The following C5 variants were observed in gnomAD, a reference collection of about 807,000 sequenced individuals.
C5 encodes the protein complement C5.
A neutral mutation model predicts 218.8 loss-of-function variants in C5; 140 were observed. The observed-to-expected ratio is 0.64, with a 90% CI of 0.56 to 0.74. The LOEUF is 0.74. Among genes scored for constraint, C5 ranks in the 30% least tolerant of loss-of-function variants. The pLI is 0.00. For missense variants in C5, 1,700 were observed against 1,969.6 expected, an observed-to-expected ratio of 0.86 and a Z score of 2.59; for synonymous variants, 614 against 682.3, an observed-to-expected ratio of 0.90 and a Z score of 1.56.
At chr9:121,012,185 G>A (rs10818496) in intron 17 of C5, among the ~76,000 whole-genome samples, 97,310 of 151,802 alleles carry the variant, frequency 0.64, 31,275 homozygotes, top group East Asian at 0.78. Context: ...TGATATGATT[G>A]TTACTTATTG....
intron 17 of C5, 127 bp from the exon 18 acceptor site, chr9:121,008,625 AATGCTT>A: frequency 1.4e-6 from 1 of 733,946 alleles, no homozygotes; most frequent in Non-Finnish European, 2.4e-6. Flanking sequence ...CATTTTGTTT[AATGCTT>A]CCAAAATAGA....
chr9:121,002,327 T>TATATATATATAC lies in C5; in HGVS notation c.2562+3591_2562+3592insGTATATATATAT, dbSNP rs2047178554. ...ATATATATGTGTGTGTATATATATATATATATATATATATACACACATACC... is the reference window on the plus strand; with the variant it reads ...ATATATATGTGTGTGTATATATATATATATATATATACATATATATATATATACACACATACC... On this transcript the variant is annotated intron_variant, in intron 20 of 40. Coordinates refer to ENST00000223642, the MANE Select transcript of C5 (RefSeq NM_001735.3). Among the ~76,000 whole-genome samples the TATATATATATAC allele has an allele frequency of 3.5e-5, 4 of 113,398 alleles. No homozygotes were observed. The South Asian group carries it at 1.2e-3, about 35-fold the overall frequency. 74.4% of individuals were successfully genotyped at this position (113,398 alleles called of 152,430 possible).
At chr9:120,969,142 A>G in intron 32 of C5, 24 bp from the exon 33 acceptor site, 1 of 1,604,162 alleles carries the variant, frequency 6.2e-7, no homozygotes, top group Non-Finnish European at 8.5e-7. Flanking sequence ...CAAGAAAACA[A>G]ACAGACAAAT....
At chr9:120,980,297 C>T (rs1162694592) in intron 27 of C5, 43 bp from the exon 28 acceptor site, 1 of 1,562,266 alleles carries the variant, frequency 6.4e-7, no homozygotes, top group Non-Finnish European at 8.8e-7. Flanking sequence ...GTCAAGCAAC[C>T]ACCTATCAAT....
At chr9:120,956,167 G>A (rs987541677) in intron 39 of C5, among the ~76,000 whole-genome samples, 1 of 152,028 alleles carries the variant, frequency 6.6e-6, no homozygotes, top group Non-Finnish European at 1.5e-5. Context: ...GGTGGTGCAT[G>A]TCTGTAATCC....
intron 27 of C5, among the ~76,000 whole-genome samples, chr9:120,981,321 T>C (rs2046991041): frequency 6.6e-6 from 1 of 152,242 alleles, no homozygotes. Flanking sequence ...CATCTCAACC[T>C]TGGAAATCTT....
chr9:121,004,025 A>C (rs2047194646), intron 20 of C5, among the ~76,000 whole-genome samples: 1 of 151,880 alleles, frequency 6.6e-6, no homozygotes, highest in Non-Finnish European at 1.5e-5. Flanking sequence ...CCTGCCACCA[A>C]GCCTGGCTAA....
At chr9:121,069,612 C>A in the C5 span, among the ~76,000 whole-genome samples, 12 of 151,822 alleles carry the variant, frequency 7.9e-5, no homozygotes, top group Non-Finnish European at 1.8e-4. Context: ...CTCCCAGGCT[C>A]AAGCAATCCT....
rs913555694 is a variant in C5, at chr9:120,977,454, G to GT, written c.3659-550dup. On this transcript the variant is annotated intron_variant, in intron 28 of 40. Transcript: ENST00000223642. ...ATCAGGAACACTCAACCTATTTTTTGTTTTTTTTGTTTGTGTGTTTTGAGA... is the reference window on the plus strand; with the variant it reads ...ATCAGGAACACTCAACCTATTTTTTGTTTTTTTTTGTTTGTGTGTTTTGAGA... 5.9e-5 allele frequency among the ~76,000 whole-genome samples: 9 copies of GT among 151,922 alleles called. No homozygotes were observed. The South Asian group carries it at 1.2e-3, about 21-fold the overall frequency.
intron 2 of C5, among the ~76,000 whole-genome samples, chr9:121,044,348 G>A (rs1052921812): frequency 1.3e-5 from 2 of 152,024 alleles, no homozygotes; most frequent in Admixed American, 6.6e-5. Context: ...GGTGGTGCAC[G>A]CCTGTTAATC....
At chr9:121,053,716 G>A (rs540470498), upstream of C5, among the ~76,000 whole-genome samples, 40 of 152,144 alleles carry the variant, frequency 2.6e-4, no homozygotes, top group Non-Finnish European at 5.0e-4. Flanking sequence ...AAGAGAATCC[G>A]TGTGCTTGGA....
At chr9:120,957,177 G>A in intron 39 of C5, 108 bp downstream of exon 39, 1 of 799,594 alleles carries the variant, frequency 1.3e-6, no homozygotes, top group South Asian at 1.3e-5. Context: ...AAAGGCAAGA[G>A]CTCTGTCTTA....
intron 39 of C5, among the ~76,000 whole-genome samples, chr9:120,954,514 T>C (rs1234383890): frequency 6.6e-6 from 1 of 152,216 alleles, no homozygotes; most frequent in Non-Finnish European, 1.5e-5. Flanking sequence ...CAGTATCCAG[T>C]AAAATATTCC....
chr9:121,045,503 T>C (rs985484622), intron 2 of C5, among the ~76,000 whole-genome samples: 5 of 152,156 alleles, frequency 3.3e-5, no homozygotes, highest in African/African-American at 9.6e-5. Context: ...TAAATTTCCA[T>C]TTTTAATTTC....
In C5 at chr9:120,952,584, T is replaced by C. The variant is rs1191456499; in HGVS notation, c.*155A>G. 4.4e-6 allele frequency: 3 copies of C among 681,116 alleles called. No individual in the cohort carries two copies. Among genetic ancestry groups the C allele is most frequent in the South Asian group, 3.4e-5 (2 of 59,434 alleles). The allele number at this position is 681,116 out of a possible 1,614,324, so 42.2% of individuals were successfully genotyped here. A position where few individuals can be genotyped will look rare whatever the true frequency, so the allele number is the denominator to read the frequency against. ...CAGAAAGTTACAGCATTTGAAATCATTCTCTAATAAAAGCAAGTGCCACTA... is the reference window on the plus strand; with the variant it reads ...CAGAAAGTTACAGCATTTGAAATCACTCTCTAATAAAAGCAAGTGCCACTA... On this transcript the variant is annotated 3_prime_UTR_variant, in exon 41 of 41. Transcript: ENST00000223642.
chr9:121,043,007 ACTGGT>A lies in C5; in HGVS notation c.413_417del (p.Asp138ValfsTer5), dbSNP rs1233156142. 1 of 1,610,154 alleles carries A rather than the reference ACTGGT, an allele frequency of 6.2e-7. No homozygotes were observed. Among genetic ancestry groups the A allele is most frequent in the South Asian group, 1.1e-5 (1 of 90,980 alleles). On this transcript the variant is annotated frameshift_variant, in exon 3 of 41. Coordinates refer to ENST00000223642, the MANE Select transcript of C5 (RefSeq NM_001735.3). LOFTEE classifies it high-confidence loss of function. Reference sequence around the variant, plus strand: ...GAAGAAATATCTTATAATCTACCTGACTGGTCTGGAGTATAAACAGGTTTGTCTGT... The same window carrying A: ...GAAGAAATATCTTATAATCTACCTGACTGGAGTATAAACAGGTTTGTCTGT...
At chr9:120,975,289 A>T (rs2131688509) in intron 29 of C5, among the ~76,000 whole-genome samples, 1 of 151,574 alleles carries the variant, frequency 6.6e-6, no homozygotes, top group Non-Finnish European at 1.5e-5. Flanking sequence ...AAGGCCATAA[A>T]CTCCCCTTTC....
At chr9:121,001,136 C>T (rs2047158075) in intron 20 of C5, among the ~76,000 whole-genome samples, 1 of 152,042 alleles carries the variant, frequency 6.6e-6, no homozygotes, top group Admixed American at 6.5e-5. Context: ...ACAAAGTGCT[C>T]CTGTAAACAA....
At chr9:120,974,333 A>G (rs2046936269) in intron 30 of C5, among the ~76,000 whole-genome samples, 1 of 152,232 alleles carries the variant, frequency 6.6e-6, no homozygotes, top group Non-Finnish European at 1.5e-5. Context: ...GACCACCAGC[A>G]GCCTCCCAGA....
Sources: gnomAD v4.1 joint callset for allele counts (sites outside exome capture counted in the v4.1 genomes callset) on GRCh38, gnomAD v4.1.1 for gene constraint, MANE v1.5 for transcripts, NCBI Gene and HGNC (gene_info 2026-07-23, HGNC 2026-07-21) for gene names.